Variants in NPHS1 observed in about 807,000 individuals in gnomAD.
NPHS1 encodes NPHS1 adhesion molecule, nephrin.
A neutral mutation model predicts 139.7 loss-of-function variants in NPHS1; 107 were observed. The ratio of observed to expected loss-of-function variants is 0.77; its 90% CI spans 0.66 to 0.90. The LOEUF is 0.90. NPHS1 is among the 40% of genes least tolerant of loss of function. The pLI is 0.00. For missense variants in NPHS1, 1,580 were observed against 1,654.2 expected, an observed-to-expected ratio of 0.96 and a Z score of 0.78; for synonymous variants, 707 against 706.6, an observed-to-expected ratio of 1.00 and a Z score of -0.01.
Position 35,846,127 on chromosome 19 carries a change from T to C in NPHS1, c.1508A>G (p.Glu503Gly), listed in dbSNP as rs1216910868. ...ESRRVHLGSV[E>G]KSGSTFSREL... The stretch of plus-strand genomic sequence containing the variant: ...TCGGGAGAAGGTGCTCCCAGATTTC[T>C]CCACGCTGCCGAGATGCACGCGCCG... Residue 503 changes from glutamate (E) to glycine (G), a missense_variant, in exon 12 of 29, where the codon GAG becomes GGG. Glu to Gly is a moderately conservative substitution (Grantham distance 98, BLOSUM62 -2). Transcript: ENST00000378910. The C allele has an allele frequency of 6.3e-7, 1 of 1,597,836 alleles. No homozygotes were observed.
Position 35,849,747 on chromosome 19 carries a change from C to T in NPHS1, c.609-94G>A. ...GTGGGGATGTCACCTCTGGTCCCCA[C>T]ACCTGGTCTAAGTCCCCATGCTGAT... On this transcript the variant is annotated intron_variant, in intron 5 of 28. Transcript: ENST00000378910. 3.4e-6 allele frequency: 3 copies of T among 876,358 alleles called. No homozygotes were observed. In the South Asian group the frequency reaches 4.1e-5, roughly 12 times the overall value. The allele number at this position is 876,358 out of a possible 1,614,324, so 54.3% of individuals were successfully genotyped here.
rs375056692 is a variant in NPHS1 at position 35,849,562 on chromosome 19, C to A, written c.700G>T (p.Val234Leu). 1.9e-6 allele frequency: 3 copies of A among 1,613,754 alleles called. No homozygotes were observed. Among genetic ancestry groups the A allele is most frequent in the South Asian group, 2.2e-5 (2 of 91,072 alleles). The part of the protein sequence containing the change: ...LEAPIKASFT[V>L]NVLFPPGPPV... ...GTTCTCCACTTACACAGAACATTCACGGTGAATGAGGCCTTGATGGGGGCC... is the reference window on the plus strand; with the variant it reads ...GTTCTCCACTTACACAGAACATTCAAGGTGAATGAGGCCTTGATGGGGGCC... The change falls in exon 6 of 29, where the codon GTG (valine) becomes TTG (leucine). Residue 234 changes from valine to leucine, a missense_variant. By Grantham distance (32) the Val-to-Leu change is conservative. Transcript: ENST00000378910.
At chr19:35,836,060 A>T in intron 22 of NPHS1, among the ~76,000 whole-genome samples, 1 of 146,484 alleles carries the variant, frequency 6.8e-6, no homozygotes, top group Non-Finnish European at 1.5e-5. Context: ...CCCGGGTTCA[A>T]GCAATTCTCC....
rs1024570638 is a variant in NPHS1 at position 35,851,085 on chromosome 19, A to T, written c.402T>A (p.Pro134=). The change falls in exon 4 of 29, where the codon CCT becomes CCA. Residue 134 remains proline, a synonymous_variant. Coordinates refer to ENST00000378910, the MANE Select transcript of NPHS1 (RefSeq NM_004646.4). The part of the protein sequence containing the change: ...SPRVILSILV[P]PKLLLLTPEA... Reference sequence around the variant, plus strand: ...CTGGGGTCAGCAGGAGCAGCTTGGGAGGAACTGGTGAGAGAAGGGTCTGGG... The same window carrying T: ...CTGGGGTCAGCAGGAGCAGCTTGGGTGGAACTGGTGAGAGAAGGGTCTGGG... 2 of 1,614,104 alleles carry T rather than the reference A, an allele frequency of 1.2e-6. No homozygotes were observed. Among genetic ancestry groups the T allele is most frequent in the African/African-American group, 2.7e-5 (2 of 75,022 alleles).
chr19:35,845,261 AAGAG>A lies in NPHS1; in HGVS notation c.1930+103_1930+106del, dbSNP rs143278868. The A allele has an allele frequency of 2.4e-4, 304 of 1,252,568 alleles. No homozygotes were observed. The highest frequency in any genetic ancestry group is 1.1e-3 in the East Asian group (44 of 39,858). The allele number at this position is 1,252,568 out of a possible 1,614,324, so 77.6% of individuals were successfully genotyped here. A position where few individuals can be genotyped will look rare whatever the true frequency, so the allele number is the denominator to read the frequency against. On this transcript the variant is annotated intron_variant, in intron 14 of 28. Transcript: ENST00000378910. This position sits in a 1 kb window ranked among gnomAD's most constrained non-coding sequence, Gnocchi z 5.5. The stretch of plus-strand genomic sequence containing the variant: ...TTGCAGCCTGAGCGACAAAAAATGA[AAGAG>A]AGAGAGAGAGAGAAGAGAAAAAGAA...
chr19:35,831,856 C>G, intron 23 of NPHS1, 94 bp from the exon 24 acceptor site: 2 of 1,353,884 alleles, frequency 1.5e-6, no homozygotes, highest in South Asian at 2.5e-5. Context: ...GACCAAGTCC[C>G]TCCCCCAGGG....
rs193175835 is a variant in NPHS1, at chr19:35,838,215, C to T, written c.3109+1022G>A. On this transcript the variant is annotated intron_variant, in intron 22 of 28. Coordinates refer to ENST00000378910, the MANE Select transcript of NPHS1 (RefSeq NM_004646.4). The stretch of plus-strand genomic sequence containing the variant: ...GCCGAGACGGCACCATTGCACTCCA[C>T]CCTGGGCAACAAGAACAAAACTGCG... Among the ~76,000 whole-genome samples, 1,126 of 148,026 alleles carry T rather than the reference C, an allele frequency of 7.6e-3. 21 individuals are homozygous for T. The highest frequency in any genetic ancestry group is 0.025 in the African/African-American group (993 of 40,188).
At position 35,841,743 on chromosome 19, in the gene NPHS1, G is replaced by T. The variant is rs1222726800; in HGVS notation, c.2787C>A (p.Asp929Glu). ...TCTATNALGSDQTNIQLVSIS... is the reference protein window; with the variant it reads ...TCTATNALGSEQTNIQLVSIS... Reference sequence around the variant, plus strand: ...TGCTGACAAGTTGAATGTTGGTTTGGTCCGAGCCAAGGGCGTTGGTGGCTG... The same window carrying T: ...TGCTGACAAGTTGAATGTTGGTTTGTTCCGAGCCAAGGGCGTTGGTGGCTG... Residue 929 changes from aspartate (D) to glutamate (E), a missense_variant, in exon 20 of 29, where the codon GAC becomes GAA. By Grantham distance (45) the Asp-to-Glu change is conservative (BLOSUM62 2). Transcript: ENST00000378910. 6.2e-7 allele frequency: 1 copy of T among 1,614,166 alleles called. No homozygotes were observed. Among genetic ancestry groups the T allele is most frequent in the Non-Finnish European group, 8.5e-7 (1 of 1,180,044 alleles).
intron 22 of NPHS1, among the ~76,000 whole-genome samples, chr19:35,837,670 T>C (rs1457435543): frequency 6.6e-6 from 1 of 152,070 alleles, no homozygotes; most frequent in Admixed American, 6.6e-5. Flanking sequence ...TGGCACCATC[T>C]CTGCTCACTG....
At chr19:35,832,843 C>T (rs807662) in intron 23 of NPHS1, among the ~76,000 whole-genome samples, 1,451 of 139,438 alleles carry the variant, frequency 0.01, 29 homozygotes, top group African/African-American at 0.037. Context: ...GCCGAGATCA[C>T]GCTACTGCAC....
rs773050353 is a variant in NPHS1 at position 35,842,559 on chromosome 19, C to T, written c.2335-9G>A. 5 of 1,613,784 alleles carry T rather than the reference C, an allele frequency of 3.1e-6. No individual in the cohort carries two copies. In the South Asian group the frequency reaches 4.4e-5, roughly 14 times the overall value. On this transcript the variant is annotated splice_polypyrimidine_tract_variant and intron_variant, in intron 17 of 28. Coordinates refer to ENST00000378910, the MANE Select transcript of NPHS1 (RefSeq NM_004646.4). Reference sequence around the variant, plus strand: ...TCCTCCTCATCTTCTCCCTGGAGGCCCAAGAGTCCAGAATTGGCCTCCCAG... The same window carrying T: ...TCCTCCTCATCTTCTCCCTGGAGGCTCAAGAGTCCAGAATTGGCCTCCCAG...
chr19:35,846,117 C>A lies in NPHS1; in HGVS notation c.1518G>T (p.Gly506=). 1 of 1,597,848 alleles carries A rather than the reference C, an allele frequency of 6.3e-7. No individual in the cohort carries two copies. Among genetic ancestry groups the A allele is most frequent in the Non-Finnish European group, 8.5e-7 (1 of 1,173,204 alleles). Residue 506 remains glycine (G), a synonymous_variant, in exon 12 of 29, where the codon GGG becomes GGT. Transcript: ENST00000378910. ...GCACCAGCTCTCGGGAGAAGGTGCT[C>A]CCAGATTTCTCCACGCTGCCGAGAT... ...RVHLGSVEKS[G]STFSRELVLV... is the part of the protein sequence containing the mutation.
intron 23 of NPHS1, 119 bp from the exon 24 acceptor site, chr19:35,831,881 G>A (rs1300837448): frequency 9.2e-7 from 1 of 1,090,662 alleles, no homozygotes. Flanking sequence ...AGAAACAGAT[G>A]GGCAGAGGTC....
rs1460736638 is a variant in NPHS1 at position 35,826,439 on chromosome 19, G to C, written c.*75C>G. On this transcript the variant is annotated 3_prime_UTR_variant, in exon 29 of 29. Transcript: ENST00000378910. ...TTTATGGAGCTCACCTAACCAGCTC[G>C]GCCCAGGCTGTAATGAGAGAGACCA... 1.5e-5 allele frequency: 23 copies of C among 1,582,760 alleles called. No individual in the cohort carries two copies. Among genetic ancestry groups the C allele is most frequent in the Admixed American group, 3.3e-5 (2 of 59,850 alleles).
In NPHS1 at chr19:35,852,098, T is replaced by C. The variant is rs1325910313; in HGVS notation, c.-261A>G. On this transcript the variant is annotated 5_prime_UTR_variant, in exon 1 of 29. Transcript: ENST00000378910. ...TTTTTTCTTTTTTCTTTTTTTTTTC[T>C]TTTTTTTTTTTTTAGAGACGGGGTC... Among the ~76,000 whole-genome samples, 49 of 106,808 alleles carry C rather than the reference T, an allele frequency of 4.6e-4. No homozygotes were observed. The highest frequency in any genetic ancestry group is 3.7e-3 in the African/African-American group (48 of 13,090). The allele number at this position is 106,808 out of a possible 152,430, so 70.1% of individuals were successfully genotyped here.
chr19:35,839,239 G>C lies in NPHS1; in HGVS notation c.3107C>G (p.Pro1036Arg). 6.2e-7 allele frequency: 1 copy of C among 1,613,974 alleles called. No individual in the cohort carries two copies. The highest frequency in any genetic ancestry group is 2.2e-5 in the East Asian group (1 of 44,886). Residue 1036 changes from proline to arginine, a missense_variant and splice_region_variant, in exon 22 of 29, where the codon CCA (proline) becomes CGA (arginine). Physicochemically the swap from Pro to Arg is moderately radical, Grantham distance 103. Transcript: ENST00000378910. ...DKGTQLPITT[P>R]GLHQPSGEPE... ...CCTGCCCAAGCCTCCCTTCCCACCT[G>C]GGGTAGTGATGGGAAGCTGGGTCCC... is the stretch of plus-strand genomic sequence containing the variant.
chr19:35,841,372 TCAACAACAACAA>T (rs150955536), intron 20 of NPHS1, among the ~76,000 whole-genome samples: 8 of 151,284 alleles, frequency 5.3e-5, no homozygotes, highest in East Asian at 1.9e-4. Context: ...AATCTCCATT[TCAACAACAACAA>T]CAACAACAAC....
intron 22 of NPHS1, among the ~76,000 whole-genome samples, chr19:35,837,677 A>T (rs1350510131): frequency 2.0e-5 from 3 of 151,368 alleles, no homozygotes; most frequent in Non-Finnish European, 4.4e-5. Flanking sequence ...ATCTCTGCTC[A>T]CTGCAACCTC....
In NPHS1 at chr19:35,851,561, G is replaced by T. The variant is rs1599848088; in HGVS notation, c.170C>A (p.Thr57Asn). The T allele has an allele frequency of 6.2e-7, 1 of 1,613,930 alleles. No homozygotes were observed. Among genetic ancestry groups the T allele is most frequent in the East Asian group, 2.2e-5 (1 of 44,886 alleles). ...ASVELRCGVS[T>N]PGSAVQWAKD... ...GGCCCATTGCACCGCACTGCCAGGG[G>T]TGCTGACCCCACAACGCAGCTCCAC... is the stretch of plus-strand genomic sequence containing the variant. Residue 57 changes from threonine to asparagine, a missense_variant, in exon 2 of 29, where the codon ACC becomes AAC. Coordinates refer to ENST00000378910, the MANE Select transcript of NPHS1 (RefSeq NM_004646.4).
Sources: allele counts gnomAD v4.1 joint callset (sites outside exome capture counted in the v4.1 genomes callset), GRCh38; gene constraint gnomAD v4.1.1; non-coding constraint Gnocchi (gnomAD v3.1); transcripts MANE v1.5; gene names NCBI Gene and HGNC (gene_info 2026-07-23, HGNC 2026-07-21).